Variants in TLR4 observed in about 807,000 individuals in gnomAD.
The protein encoded by TLR4 is toll like receptor 4.
TLR4 carries 17 observed loss-of-function variants against 27.4 expected under a neutral mutation model. The observed-to-expected ratio is 0.62, with a 90% CI of 0.42 to 0.93. The LOEUF (loss-of-function observed/expected upper bound fraction) is 0.93, where lower values mean the gene tolerates loss of function less well. Ranked by LOEUF, TLR4 falls within the 40% of genes least tolerant of loss-of-function variation. The pLI is 0.00. For missense variants in TLR4, 926 were observed against 962.3 expected, an observed-to-expected ratio of 0.96 and a Z score of 0.50; for synonymous variants, 363 against 365.7, an observed-to-expected ratio of 0.99 and a Z score of 0.08.
chr9:117,706,572 G>C (rs1255802219), intron 1 of TLR4, among the ~76,000 whole-genome samples: 4 of 152,104 alleles, frequency 2.6e-5, no homozygotes, highest in African/African-American at 9.7e-5. Flanking sequence ...CTCTTACTTA[G>C]ATTTCACCAC....
Position 117,713,589 on chromosome 9 carries a change from C to A in TLR4, c.1461C>A (p.Phe487Leu). 1 of 1,614,058 alleles carries A rather than the reference C, an allele frequency of 6.2e-7. No homozygotes were observed. Among genetic ancestry groups the A allele is most frequent in the Non-Finnish European group, 8.5e-7 (1 of 1,180,006 alleles). Residue 487 changes from phenylalanine (F) to leucine (L), a missense_variant, in exon 3 of 3, where the codon TTC becomes TTA. Phe to Leu is a conservative substitution (Grantham distance 22). Transcript: ENST00000355622. The stretch of plus-strand genomic sequence containing the variant: ...CTGGCAATTCTTTCCAGGAAAACTT[C>A]CTTCCAGATATCTTCACAGAGCTGA... ...KMAGNSFQEN[F>L]LPDIFTELRN... is the part of the protein sequence containing the mutation.
Position 117,715,867 on chromosome 9 carries a change from A to G in TLR4, c.*1219A>G, listed in dbSNP as rs1019851190. 7 of 152,150 alleles carry G rather than the reference A, an allele frequency of 4.6e-5. No homozygotes were observed. Among genetic ancestry groups the G allele is most frequent in the African/African-American group, 1.7e-4 (7 of 41,432 alleles). The allele number at this position is 152,150 out of a possible 1,614,324, so 9.4% of individuals were successfully genotyped here. A position where few individuals can be genotyped will look rare whatever the true frequency, so the allele number is the denominator to read the frequency against. On this transcript the variant is annotated 3_prime_UTR_variant, in exon 3 of 3. Coordinates refer to ENST00000355622, the MANE Select transcript of TLR4 (RefSeq NM_138554.5). ...CATTTTGGGAAGAGTGGATGTTATC[A>G]TTGAGAAAACAATGTGTCTGGAATT...
chr9:117,711,000 C>G (rs1241967781), intron 2 of TLR4, among the ~76,000 whole-genome samples: 5 of 152,044 alleles, frequency 3.3e-5, no homozygotes, highest in Non-Finnish European at 1.5e-5. Context: ...GAATGATGGG[C>G]TATAACAATC....
intron 2 of TLR4, among the ~76,000 whole-genome samples, chr9:117,711,998 CA>C (rs1829239149): frequency 6.6e-6 from 1 of 152,142 alleles, no homozygotes; most frequent in African/African-American, 2.4e-5. Flanking sequence ...TTATCTGTAC[CA>C]ATCAGATGTA....
Position 117,707,288 on chromosome 9 carries a change from G to A in TLR4, c.94-1275G>A, listed in dbSNP as rs553778141. Among the ~76,000 whole-genome samples, 21 of 152,204 alleles carry A rather than the reference G, an allele frequency of 1.4e-4. No homozygotes were observed. The South Asian group carries it at 2.3e-3, about 17-fold the overall frequency. On this transcript the variant is annotated intron_variant, in intron 1 of 2. Transcript: ENST00000355622. ...CTGCATGTTTGAACTCTGACTTTGC[G>A]CATATTACTTCATTTCTTTGAATTT...
intron 2 of TLR4, among the ~76,000 whole-genome samples, chr9:117,711,839 A>G (rs1387152526): frequency 1.3e-5 from 2 of 152,208 alleles, no homozygotes; most frequent in African/African-American, 2.4e-5. Flanking sequence ...TTTACCTCTG[A>G]TAACAAGAAC....
At position 117,714,383 on chromosome 9, in the gene TLR4, A is replaced by C; in HGVS notation, c.2255A>C (p.Glu752Ala). The C allele has an allele frequency of 6.2e-7, 1 of 1,606,968 alleles. No homozygotes were observed. ...AGCCGCTGGTGTATCTTTGAATATG[A>C]GATTGCTCAGACCTGGCAGTTTCTG... ...IQSRWCIFEY[E>A]IAQTWQFLSS... Residue 752 changes from glutamate to alanine, a missense_variant, in exon 3 of 3, where the codon GAG becomes GCG. Glu to Ala is a moderately radical substitution (Grantham distance 107, BLOSUM62 -1). Coordinates refer to ENST00000355622, the MANE Select transcript of TLR4 (RefSeq NM_138554.5).
At chr9:117,708,164 T>G (rs1829167474) in intron 1 of TLR4, 1 of 1,014,032 alleles carries the variant, frequency 9.9e-7, no homozygotes, top group East Asian at 9.0e-5. Context: ...CTGAGGTTTT[T>G]CTTTTGTTCG....
At position 117,713,599 on chromosome 9, in the gene TLR4, A is replaced by G; in HGVS notation, c.1471A>G (p.Ile491Val). Residue 491 changes from isoleucine (I) to valine (V), a missense_variant, in exon 3 of 3, where the codon ATC becomes GTC. Transcript: ENST00000355622. The stretch of plus-strand genomic sequence containing the variant: ...TTTCCAGGAAAACTTCCTTCCAGAT[A>G]TCTTCACAGAGCTGAGAAACTTGAC... ...NSFQENFLPDIFTELRNLTFL... is the reference protein window; with the variant it reads ...NSFQENFLPDVFTELRNLTFL... 1 of 1,614,118 alleles carries G rather than the reference A, an allele frequency of 6.2e-7. No individual in the cohort carries two copies. Among genetic ancestry groups the G allele is most frequent in the Admixed American group, 1.7e-5 (1 of 60,008 alleles).
chr9:117,705,869 C>T (rs531548821), intron 1 of TLR4, among the ~76,000 whole-genome samples: 1 of 152,130 alleles, frequency 6.6e-6, no homozygotes, highest in African/African-American at 2.4e-5. Flanking sequence ...TTTGCACTGG[C>T]TATTTCTTCT....
In TLR4 at chr9:117,719,374, G is replaced by A. The variant is rs1172733736; in HGVS notation, c.*4726G>A. The stretch of plus-strand genomic sequence containing the variant: ...CTCATTGGTGGCAGCACTGAGATTA[G>A]GATCTAAGTCCACTTCACCGCAGAA... On this transcript the variant is annotated 3_prime_UTR_variant, in exon 3 of 3. Coordinates refer to ENST00000355622, the MANE Select transcript of TLR4 (RefSeq NM_138554.5). 1 of 152,070 alleles carries A rather than the reference G, an allele frequency of 6.6e-6. No homozygotes were observed. The highest frequency in any genetic ancestry group is 1.5e-5 in the Non-Finnish European group (1 of 68,014). 9.4% of individuals were successfully genotyped at this position (152,070 alleles called of 1,614,324 possible). A position where few individuals can be genotyped will look rare whatever the true frequency, so the allele number is the denominator to read the frequency against.
At chr9:117,707,511 A>G (rs993753883) in intron 1 of TLR4, among the ~76,000 whole-genome samples, 2 of 152,174 alleles carry the variant, frequency 1.3e-5, no homozygotes, top group East Asian at 1.9e-4. Context: ...CAAACATTCT[A>G]TTGGTTTCAA....
chr9:117,719,970 G>A lies in TLR4; in HGVS notation c.*5322G>A, dbSNP rs752134336. The A allele has an allele frequency of 2.6e-5, 4 of 152,166 alleles. No individual in the cohort carries two copies. Among genetic ancestry groups the A allele is most frequent in the African/African-American group, 7.2e-5 (3 of 41,442 alleles). The allele number at this position is 152,166 out of a possible 1,614,324, so 9.4% of individuals were successfully genotyped here. ...GAGAAAAGAGATGCCCAGAGAGGAC[G>A]AGTAACTTGCCTTAGGTCACACAGC... On this transcript the variant is annotated 3_prime_UTR_variant, in exon 3 of 3. Transcript: ENST00000355622.
rs1210337648 is a variant in TLR4 at position 117,719,209 on chromosome 9, C to CA, written c.*4563dup. On this transcript the variant is annotated 3_prime_UTR_variant, in exon 3 of 3. Coordinates refer to ENST00000355622, the MANE Select transcript of TLR4 (RefSeq NM_138554.5). ...GTTACAATAGTTACATTTAATTGAT[C>CA]AATTGTTTTATGCAAGGGCTTTATT... 1 of 152,070 alleles carries CA rather than the reference C, an allele frequency of 6.6e-6. No homozygotes were observed. Among genetic ancestry groups the CA allele is most frequent in the Non-Finnish European group, 1.5e-5 (1 of 67,998 alleles). The allele number at this position is 152,070 out of a possible 1,614,324, so 9.4% of individuals were successfully genotyped here.
At position 117,714,226 on chromosome 9, in the gene TLR4, G is replaced by C. The variant is rs201612590; in HGVS notation, c.2098G>C (p.Val700Leu). 3 of 1,605,630 alleles carry C rather than the reference G, an allele frequency of 1.9e-6. No homozygotes were observed. Among genetic ancestry groups the C allele is most frequent in the Non-Finnish European group, 2.6e-6 (3 of 1,173,084 alleles). ...GCTAGTAAAGAATTTAGAAGAAGGG[G>C]TGCCTCCATTTCAGCTCTGCCTTCA... is the stretch of plus-strand genomic sequence containing the variant. Reference protein sequence around the residue: ...NELVKNLEEGVPPFQLCLHYR... With the variant: ...NELVKNLEEGLPPFQLCLHYR... The change falls in exon 3 of 3, where the codon GTG becomes CTG. Residue 700 changes from valine (V) to leucine (L), a missense_variant. Coordinates refer to ENST00000355622, the MANE Select transcript of TLR4 (RefSeq NM_138554.5).
intron 2 of TLR4, among the ~76,000 whole-genome samples, chr9:117,709,545 G>A (rs1564263902): frequency 6.6e-6 from 1 of 152,086 alleles, no homozygotes; most frequent in East Asian, 1.9e-4. Context: ...GATATTTTAG[G>A]GGAACCAAAT....
chr9:117,712,310 G>A, intron 2 of TLR4, 79 bp from the exon 3 acceptor site: 2 of 1,372,104 alleles, frequency 1.5e-6, no homozygotes, highest in Non-Finnish European at 2.0e-6. Context: ...TGAAGAGCTG[G>A]ATGACTAGGA....
At position 117,713,861 on chromosome 9, in the gene TLR4, A is replaced by G; in HGVS notation, c.1733A>G (p.Gln578Arg). 1.2e-6 allele frequency: 2 copies of G among 1,614,088 alleles called. No homozygotes were observed. The highest frequency in any genetic ancestry group is 1.7e-6 in the Non-Finnish European group (2 of 1,180,022). Residue 578 changes from glutamine to arginine, a missense_variant, in exon 3 of 3, where the codon CAG becomes CGG. Physicochemically the swap from Gln to Arg is conservative, Grantham distance 43. Transcript: ENST00000355622. Reference protein sequence around the residue: ...PSSLAFLNLTQNDFACTCEHQ... With the variant: ...PSSLAFLNLTRNDFACTCEHQ... ...AGTCTAGCTTTCTTAAATCTTACTC[A>G]GAATGACTTTGCTTGTACTTGTGAA...
chr9:117,704,632 C>T (rs1829105598), intron 1 of TLR4, 67 bp downstream of exon 1: 2 of 1,381,774 alleles, frequency 1.4e-6, no homozygotes, highest in Non-Finnish European at 2.0e-6. Flanking sequence ...CACTGTGTGC[C>T]CTGGTTTGTT....
Sources: allele counts gnomAD v4.1 joint callset (sites outside exome capture counted in the v4.1 genomes callset), GRCh38; gene constraint gnomAD v4.1.1; transcripts MANE v1.5; gene names NCBI Gene and HGNC (gene_info 2026-07-23, HGNC 2026-07-21).